Variants in ADGRA2 observed in about 807,000 individuals in gnomAD.
ADGRA2 encodes the protein G-protein coupled receptor 124.
Under a neutral mutation model 98.7 loss-of-function variants are expected in ADGRA2, and 61 were observed. The observed-to-expected ratio is 0.62, with a 90% CI of 0.50 to 0.76. ADGRA2 has a LOEUF of 0.76. Among genes scored for constraint, ADGRA2 ranks in the 30% least tolerant of loss-of-function variants. ADGRA2 has a pLI of 0.00. For synonymous variants in ADGRA2, 858 were observed against 831.5 expected (o/e 1.03, Z -0.55); for missense variants, 1,712 against 1,860.0 (o/e 0.92, Z 1.46).
chr8:37,817,614 T>G (rs1170703015), intron 2 of ADGRA2, among the ~76,000 whole-genome samples: 4 of 151,370 alleles, frequency 2.6e-5, no homozygotes. Flanking sequence ...GAGGCTGAGG[T>G]GGGAATCGCT....
Position 37,833,981 on chromosome 8 carries a change from G to A in ADGRA2, c.1461G>A (p.Met487Ile). The part of the protein sequence containing the change: ...VDQIKELVEV[M>I]VDMASNLMLV... ...TGTCCCCCCAGCTGGTAGAGGTGAT[G>A]GTGGACATGGCCAGCAACCTGATGC... Residue 487 changes from methionine (M) to isoleucine (I), a missense_variant, in exon 11 of 19, where the codon ATG becomes ATA. Met to Ile is a conservative substitution (Grantham distance 10, BLOSUM62 1). Coordinates refer to ENST00000412232, the MANE Select transcript of ADGRA2 (RefSeq NM_032777.10). 1.2e-6 allele frequency: 2 copies of A among 1,612,796 alleles called. No individual in the cohort carries two copies. Among genetic ancestry groups the A allele is most frequent in the East Asian group, 2.2e-5 (1 of 44,870 alleles).
In ADGRA2 at chr8:37,797,591, G is replaced by T; in HGVS notation, c.266+57G>T. 7.8e-7 allele frequency: 1 copy of T among 1,282,852 alleles called. No homozygotes were observed. The highest frequency in any genetic ancestry group is 3.8e-5 in the Admixed American group (1 of 26,162). The allele number at this position is 1,282,852 out of a possible 1,614,324, so 79.5% of individuals were successfully genotyped here. On this transcript the variant is annotated intron_variant, in intron 1 of 18. Transcript: ENST00000412232. The surrounding 1 kb of genome is among the most constrained non-coding windows in gnomAD (Gnocchi z 5.3). The stretch of plus-strand genomic sequence containing the variant: ...GCCGGGACTGGGGACGAAGGGAGGC[G>T]AGACGGGAGGGGTGGGAGCAGGGGG...
chr8:37,833,955 C>T lies in ADGRA2; in HGVS notation c.1447-12C>T, dbSNP rs1805533389. The T allele has an allele frequency of 3.1e-6, 5 of 1,610,064 alleles. No homozygotes were observed. In the East Asian group the frequency reaches 1.1e-4, roughly 36 times the overall value. On this transcript the variant is annotated splice_polypyrimidine_tract_variant and intron_variant, in intron 10 of 18. Coordinates refer to ENST00000412232, the MANE Select transcript of ADGRA2 (RefSeq NM_032777.10). The stretch of plus-strand genomic sequence containing the variant: ...CCCGCCCCTGCCCTCAGCAACTTCC[C>T]TGTCCCCCCAGCTGGTAGAGGTGAT...
chr8:37,831,642 A>T, intron 8 of ADGRA2, 55 bp downstream of exon 8: 1 of 1,523,230 alleles, frequency 6.6e-7, no homozygotes, highest in Non-Finnish European at 9.0e-7. Context: ...CCACCCTTGC[A>T]CCTGACATCA....
chr8:37,821,851 G>C (rs1805135794), intron 2 of ADGRA2, among the ~76,000 whole-genome samples: 1 of 152,190 alleles, frequency 6.6e-6, no homozygotes, highest in Non-Finnish European at 1.5e-5. Flanking sequence ...GAACGAAAGT[G>C]GCGGCCTGGG....
intron 7 of ADGRA2, 122 bp from the exon 8 acceptor site, chr8:37,831,301 G>T (rs1250713598): frequency 5.8e-6 from 5 of 858,526 alleles, no homozygotes; most frequent in East Asian, 2.5e-5. Flanking sequence ...GTGCATACTT[G>T]CATCCCTTGT....
At chr8:37,806,526 C>CTTTTT (rs533491458) in intron 1 of ADGRA2, among the ~76,000 whole-genome samples, 7 of 100,356 alleles carry the variant, frequency 7.0e-5, no homozygotes, top group African/African-American at 3.1e-4. Context: ...TTTTCTTTTT[C>CTTTTT]TTTTTTTTTT....
rs1563334509 is a variant in ADGRA2 at position 37,797,425 on chromosome 8, G to A, written c.157G>A (p.Gly53Arg). The A allele has an allele frequency of 7.0e-7, 1 of 1,424,178 alleles. No individual in the cohort carries two copies. Among genetic ancestry groups the A allele is most frequent in the South Asian group, 1.5e-5 (1 of 66,112 alleles). The allele number at this position is 1,424,178 out of a possible 1,614,324, so 88.2% of individuals were successfully genotyped here. ...CAAGTGCTCGGGGGAGCGGCCCAAG[G>A]GGCTGAGCGGCGGCGTCCCTGGCCC... The part of the protein sequence containing the change: ...SCKCSGERPK[G>R]LSGGVPGPAR... Residue 53 changes from glycine to arginine, a missense_variant, in exon 1 of 19, where the codon GGG (glycine) becomes AGG (arginine). Transcript: ENST00000412232. This position sits in a 1 kb window ranked among gnomAD's most constrained non-coding sequence, Gnocchi z 5.3.
chr8:37,824,315 C>T (rs1280652982), intron 2 of ADGRA2, among the ~76,000 whole-genome samples: 1 of 151,894 alleles, frequency 6.6e-6, no homozygotes, highest in African/African-American at 2.4e-5. Context: ...ATGCATGAGC[C>T]ATCATGCCCA....
intron 1 of ADGRA2, among the ~76,000 whole-genome samples, chr8:37,804,990 C>T (rs1335682854): frequency 6.6e-6 from 1 of 152,250 alleles, no homozygotes; most frequent in Non-Finnish European, 1.5e-5. Flanking sequence ...TCTGGCACCA[C>T]CTCGGGTAGC....
chr8:37,842,546 A>G lies in ADGRA2; in HGVS notation c.*191A>G, dbSNP rs1805840228. ...GGGGTAGCGACAGACAATCCCAGAA[A>G]CACGCATAATACATTTCCGTCCAGC... On this transcript the variant is annotated 3_prime_UTR_variant, in exon 19 of 19. Coordinates refer to ENST00000412232, the MANE Select transcript of ADGRA2 (RefSeq NM_032777.10). 2.1e-6 allele frequency: 2 copies of G among 962,584 alleles called. No individual in the cohort carries two copies. Among genetic ancestry groups the G allele is most frequent in the African/African-American group, 3.5e-5 (2 of 57,900 alleles). 59.6% of individuals were successfully genotyped at this position (962,584 alleles called of 1,614,324 possible). A position where few individuals can be genotyped will look rare whatever the true frequency, so the allele number is the denominator to read the frequency against.
In ADGRA2 at chr8:37,797,399, G is replaced by C; in HGVS notation, c.131G>C (p.Cys44Ser). ...GGCTGCCCGCTATCCATCCGCAGCT[G>C]CAAGTGCTCGGGGGAGCGGCCCAAG... ...APGCPLSIRS[C>S]KCSGERPKGL... Residue 44 changes from cysteine to serine, a missense_variant, in exon 1 of 19, where the codon TGC becomes TCC. Physicochemically the swap from Cys to Ser is moderately radical, Grantham distance 112 (BLOSUM62 -1). Coordinates refer to ENST00000412232, the MANE Select transcript of ADGRA2 (RefSeq NM_032777.10). The surrounding 1 kb of genome is among the most constrained non-coding windows in gnomAD (Gnocchi z 5.3). 7.0e-7 allele frequency: 1 copy of C among 1,434,170 alleles called. No homozygotes were observed. The allele number at this position is 1,434,170 out of a possible 1,614,324, so 88.8% of individuals were successfully genotyped here.
Position 37,828,017 on chromosome 8 carries a change from C to T in ADGRA2, c.339-871C>T, listed in dbSNP as rs376541272. 3.3e-5 allele frequency among the ~76,000 whole-genome samples: 5 copies of T among 152,012 alleles called. No individual in the cohort carries two copies. In the East Asian group the frequency reaches 9.7e-4, roughly 29 times the overall value. ...AATTAGCGGGTGTGGTGGCGCACAC[C>T]TGTGGTGCCAGTTGCTTGGGAGGCA... is the stretch of plus-strand genomic sequence containing the variant. On this transcript the variant is annotated intron_variant, in intron 2 of 18. Coordinates refer to ENST00000412232, the MANE Select transcript of ADGRA2 (RefSeq NM_032777.10).
At chr8:37,804,110 C>G (rs904565500) in intron 1 of ADGRA2, among the ~76,000 whole-genome samples, 105 of 143,068 alleles carry the variant, frequency 7.3e-4, no homozygotes, top group African/African-American at 2.3e-3. Flanking sequence ...GACACACACA[C>G]ACACACACAC....
At chr8:37,839,278 T>A (rs1028376297) in intron 15 of ADGRA2, 195 bp downstream of exon 15, 1 of 652,570 alleles carries the variant, frequency 1.5e-6, no homozygotes, top group Non-Finnish European at 1.9e-6. Context: ...CAGGGGTTTT[T>A]TCCCCAGGTG....
rs1329734120 is a variant in ADGRA2, at chr8:37,841,542, C to G, written c.3204C>G (p.His1068Gln). 1.2e-6 allele frequency: 2 copies of G among 1,612,130 alleles called. No homozygotes were observed. The highest frequency in any genetic ancestry group is 2.7e-5 in the African/African-American group (2 of 75,042). ...CCCTGGGCCTCTTCGTCTTCACTCA[C>G]CACTGTGCCAGGCGGAGGGACGTGA... ...ASALGLFVFT[H>Q]HCARRRDVRA... The change falls in exon 19 of 19, where the codon CAC (histidine) becomes CAG (glutamine). Residue 1068 changes from histidine (H) to glutamine (Q), a missense_variant. By Grantham distance (24) the His-to-Gln change is conservative (BLOSUM62 0). Coordinates refer to ENST00000412232, the MANE Select transcript of ADGRA2 (RefSeq NM_032777.10). This position sits in a 1 kb window ranked among gnomAD's most constrained non-coding sequence, Gnocchi z 5.0.
chr8:37,824,701 A>G (rs987001197), intron 2 of ADGRA2, among the ~76,000 whole-genome samples: 1 of 152,018 alleles, frequency 6.6e-6, no homozygotes, highest in East Asian at 1.9e-4. Flanking sequence ...TCAACATGTT[A>G]GCCAGGCTGG....
chr8:37,809,369 A>G (rs1211869396), intron 1 of ADGRA2, among the ~76,000 whole-genome samples: 1 of 151,732 alleles, frequency 6.6e-6, no homozygotes, highest in Non-Finnish European at 1.5e-5. Context: ...CCCCAGATAG[A>G]CCCACCACAA....
chr8:37,832,960 G>A (rs1433321811), intron 8 of ADGRA2, 50 bp from the exon 9 acceptor site: 1 of 1,430,978 alleles, frequency 7.0e-7, no homozygotes, highest in Non-Finnish European at 9.8e-7. Flanking sequence ...GAGAAGGGCT[G>A]TTGTTCTGAG....
Sources: allele counts gnomAD v4.1 joint callset (sites outside exome capture counted in the v4.1 genomes callset), GRCh38; gene constraint gnomAD v4.1.1; non-coding constraint Gnocchi (gnomAD v3.1); transcripts MANE v1.5; gene names NCBI Gene and HGNC (gene_info 2026-07-23, HGNC 2026-07-21).